The following MYOM1 variants were observed in gnomAD, a reference collection of about 807,000 sequenced individuals.
The protein encoded by MYOM1 is myomesin-1.
MYOM1 carries 164 observed loss-of-function variants against 205.3 expected under a neutral mutation model. That is an observed-to-expected ratio of 0.80 (90% CI 0.70 to 0.91). The LOEUF (loss-of-function observed/expected upper bound fraction) is 0.91. MYOM1 is among the 40% of genes least tolerant of loss of function. The probability of loss-of-function intolerance (pLI) is 0.00; values close to 1 mark genes in which losing one functional copy is unlikely to be tolerated. For synonymous variants in MYOM1, 772 were observed against 789.4 expected (o/e 0.98, Z 0.37); for missense variants, 2,011 against 2,127.3 (o/e 0.95, Z 1.08).
At chr18:3,100,572 G>T in intron 23 of MYOM1, 146 bp from the exon 24 acceptor site, 5 of 647,420 alleles carry the variant, frequency 7.7e-6, no homozygotes, top group Non-Finnish European at 1.4e-5. Context: ...ACATGTTCTT[G>T]GTGTCTCAGA....
chr18:3,148,894 GGTA>G (rs1224040723), intron 13 of MYOM1, among the ~76,000 whole-genome samples: 1 of 149,186 alleles, frequency 6.7e-6, no homozygotes, highest in Non-Finnish European at 1.5e-5. Flanking sequence ...TGGTTTCATG[GGTA>G]TATACATGTG....
chr18:3,175,257 C>G (rs62076878), intron 6 of MYOM1, among the ~76,000 whole-genome samples: 7,587 of 152,192 alleles, frequency 0.05, 330 homozygotes, highest in Admixed American at 0.14. Flanking sequence ...GCCAACTCCT[C>G]TGATCTGAGG....
intron 4 of MYOM1, among the ~76,000 whole-genome samples, chr18:3,188,108 T>A (rs1378104325): frequency 6.6e-6 from 1 of 151,996 alleles, no homozygotes; most frequent in African/African-American, 2.4e-5. Context: ...CTCCCAAAAC[T>A]GGGATTACAG....
chr18:3,157,715 ATAATAATAATCCTTC>A (rs2080322866), intron 10 of MYOM1, among the ~76,000 whole-genome samples: 1 of 143,384 alleles, frequency 7.0e-6, no homozygotes, highest in African/African-American at 2.7e-5. Context: ...AATAATAATA[ATAATAATAATCCTTC>A]TTTTTCTCAA....
chr18:3,169,935 A>G (rs935715761), intron 8 of MYOM1, among the ~76,000 whole-genome samples: 6 of 152,232 alleles, frequency 3.9e-5, no homozygotes, highest in Non-Finnish European at 7.3e-5. Flanking sequence ...AAAACGTGGT[A>G]CATATACTCA....
At chr18:3,090,624 A>G in intron 27 of MYOM1, 34 bp downstream of exon 27, 2 of 1,612,398 alleles carry the variant, frequency 1.2e-6, no homozygotes, top group Non-Finnish European at 1.7e-6. Context: ...GGGAGTAGCA[A>G]AGCCTGCTGG....
In MYOM1 at chr18:3,119,886, C is replaced by T; in HGVS notation, c.3101G>A (p.Trp1034Ter). The T allele has an allele frequency of 1.2e-6, 2 of 1,608,764 alleles. No individual in the cohort carries two copies. Among genetic ancestry groups the T allele is most frequent in the Non-Finnish European group, 1.7e-6 (2 of 1,176,594 alleles). Residue 1034 changes from tryptophan (W) to a stop codon, truncating the protein, a stop_gained, in exon 20 of 38, where the codon TGG becomes TAG. Coordinates refer to ENST00000356443, the MANE Select transcript of MYOM1 (RefSeq NM_003803.4). LOFTEE classifies it high-confidence loss of function. ...TGGTTTACCTGGGACGGCGATGGTC[C>T]ACTCTTCACATTTGAAGCATTCGCT... ...AVSECFKCEE[W>*]TIAVPGPPHS...
intron 14 of MYOM1, among the ~76,000 whole-genome samples, chr18:3,138,716 T>C (rs1400357065): frequency 3.9e-5 from 6 of 152,258 alleles, no homozygotes; most frequent in East Asian, 1.9e-4. Flanking sequence ...TGCCTTTCAC[T>C]GTGCCGAAAA....
the MYOM1 span, among the ~76,000 whole-genome samples, chr18:3,237,563 C>A: frequency 7.3e-6 from 1 of 137,600 alleles, no homozygotes; most frequent in Non-Finnish European, 1.5e-5. Context: ...CACACCACTG[C>A]ACTCCAGCCT....
At chr18:3,169,444 T>G (rs1476221393) in intron 8 of MYOM1, among the ~76,000 whole-genome samples, 1 of 152,092 alleles carries the variant, frequency 6.6e-6, no homozygotes. Context: ...TATAAGAAGC[T>G]CAAAGTACTC....
chr18:3,195,686 T>A (rs1210021558), intron 2 of MYOM1, among the ~76,000 whole-genome samples: 1 of 152,214 alleles, frequency 6.6e-6, no homozygotes, highest in Admixed American at 6.5e-5. Context: ...TTTTTTGACA[T>A]TTATTTACAT....
At chr18:3,207,262 C>T (rs897293665) in intron 2 of MYOM1, among the ~76,000 whole-genome samples, 1 of 152,316 alleles carries the variant, frequency 6.6e-6, no homozygotes, top group African/African-American at 2.4e-5. Flanking sequence ...ATACATCCTT[C>T]AGTTGTTATT....
chr18:3,182,996 C>A (rs2080760668), intron 5 of MYOM1, among the ~76,000 whole-genome samples: 1 of 133,734 alleles, frequency 7.5e-6, no homozygotes, highest in African/African-American at 2.7e-5. Context: ...GTGGCGTGAT[C>A]TCAGCTCACC....
In MYOM1 at chr18:3,126,861, T is replaced by C. The variant is rs1288514167; in HGVS notation, c.2831A>G (p.Glu944Gly). Reference sequence around the variant, plus strand: ...AAGAACCATTGAGTCACGAAAACTTTCAAGACAGGTGATATCACAGGGTGG... The same window carrying C: ...AAGAACCATTGAGTCACGAAAACTTCCAAGACAGGTGATATCACAGGGTGG... ...PSPPCDITCL[E>G]SFRDSMVLGW... Residue 944 changes from glutamate to glycine, a missense_variant, in exon 19 of 38, where the codon GAA becomes GGA. Coordinates refer to ENST00000356443, the MANE Select transcript of MYOM1 (RefSeq NM_003803.4). 1.2e-6 allele frequency: 2 copies of C among 1,612,524 alleles called. No homozygotes were observed. The highest frequency in any genetic ancestry group is 1.3e-5 in the African/African-American group (1 of 74,920).
Position 3,100,171 on chromosome 18 carries a change from G to A in MYOM1, c.3715C>T (p.His1239Tyr). 2 of 1,613,900 alleles carry A rather than the reference G, an allele frequency of 1.2e-6. No homozygotes were observed. The highest frequency in any genetic ancestry group is 1.7e-6 in the Non-Finnish European group (2 of 1,179,866). Residue 1239 changes from histidine (H) to tyrosine (Y), a missense_variant, in exon 25 of 38, where the codon CAC becomes TAC. Coordinates refer to ENST00000356443, the MANE Select transcript of MYOM1 (RefSeq NM_003803.4). ...TGTGGATACTTACTTGGGAACTTGTGTTCATGGCTGAGAGCAAGTAAACGT... is the reference window on the plus strand; with the variant it reads ...TGTGGATACTTACTTGGGAACTTGTATTCATGGCTGAGAGCAAGTAAACGT... ...LKRLLALSHE[H>Y]KFPTVPVKSE...
intron 13 of MYOM1, among the ~76,000 whole-genome samples, chr18:3,144,337 T>G (rs185677771): frequency 6.6e-6 from 1 of 150,976 alleles, no homozygotes; most frequent in Admixed American, 6.6e-5. Flanking sequence ...AAATAAAAAA[T>G]CATAGCCAAC....
At position 3,149,196 on chromosome 18, in the gene MYOM1, G is replaced by C. The variant is rs763859640; in HGVS notation, c.1849C>G (p.Pro617Ala). ...ATCTGTCCAGTCCAGGGTGCTGAGG[G>C]GCGACCTGAATAAAGACAAATATAA... ...PAEKARLKSR[P>A]SAPWTGQIIV... Residue 617 changes from proline to alanine, a missense_variant, in exon 13 of 38, where the codon CCC becomes GCC. By Grantham distance (27) the Pro-to-Ala change is conservative. Coordinates refer to ENST00000356443, the MANE Select transcript of MYOM1 (RefSeq NM_003803.4). The C allele has an allele frequency of 4.3e-6, 7 of 1,611,504 alleles. No individual in the cohort carries two copies. In the East Asian group the frequency reaches 1.3e-4, roughly 31 times the overall value.
the MYOM1 span, among the ~76,000 whole-genome samples, chr18:3,244,268 TG>T: frequency 7.2e-5 from 11 of 152,288 alleles, no homozygotes; most frequent in African/African-American, 2.6e-4. Context: ...ACTGCAATAG[TG>T]GATCATAAGC....
Position 3,094,258 on chromosome 18 carries a change from T to C in MYOM1, c.3776A>G (p.Gln1259Arg). The C allele has an allele frequency of 6.2e-7, 1 of 1,613,902 alleles. No homozygotes were observed. Reference protein sequence around the residue: ...ELAVEILEKGQVRFWMQAEKL... With the variant: ...ELAVEILEKGRVRFWMQAEKL... ...CTCAGCCTGCATCCAAAACCGGACC[T>C]GGCCTTTCTCCAAAATTTCAACTGC... Residue 1259 changes from glutamine to arginine, a missense_variant, in exon 26 of 38, where the codon CAG becomes CGG. Gln to Arg is a conservative substitution (Grantham distance 43, BLOSUM62 1). Transcript: ENST00000356443.
Sources: gnomAD v4.1 joint callset for allele counts (sites outside exome capture counted in the v4.1 genomes callset) on GRCh38, gnomAD v4.1.1 for gene constraint, MANE v1.5 for transcripts, NCBI Gene and HGNC (gene_info 2026-07-23, HGNC 2026-07-21) for gene names.